The following FAM221A variants were observed in gnomAD, a reference collection of about 807,000 sequenced individuals.
FAM221A encodes family with sequence similarity 221 member A.
Under a neutral mutation model 37.6 loss-of-function variants are expected in FAM221A, and 43 were observed. The ratio of observed to expected loss-of-function variants is 1.15; its 90% CI spans 0.90 to 1.48. The LOEUF is 1.48. Among genes scored for constraint, FAM221A ranks in the 40% most tolerant of loss-of-function variants. FAM221A has a pLI of 0.00. For missense variants in FAM221A, 361 were observed against 361.5 expected (o/e 1.00, Z 0.01); for synonymous variants, 135 against 132.9 (o/e 1.02, Z -0.11).
intron 2 of FAM221A, chr7:23,687,620 G>T (rs1465531544): frequency 6.7e-6 from 1 of 149,172 alleles, no homozygotes; most frequent in Non-Finnish European, 1.5e-5. Context: ...TTATTAAATA[G>T]AATTTGTTCT....
At chr7:23,683,571 A>C (rs1258860560) in intron 1 of FAM221A, among the ~76,000 whole-genome samples, 1 of 152,226 alleles carries the variant, frequency 6.6e-6, no homozygotes, top group Non-Finnish European at 1.5e-5. Flanking sequence ...TCTTTGCTTC[A>C]ATATCAAAGG....
chr7:23,685,159 G>A (rs12700459), intron 2 of FAM221A, among the ~76,000 whole-genome samples: 21,010 of 152,160 alleles, frequency 0.14, 1,657 homozygotes, highest in Middle Eastern at 0.19. Context: ...TGAGGCAGGA[G>A]AATCGCTTGA....
At chr7:23,691,677 G>A (rs1784762258) in intron 4 of FAM221A, 81 bp downstream of exon 4, 2 of 1,155,922 alleles carry the variant, frequency 1.7e-6, no homozygotes, top group Admixed American at 1.9e-5. Context: ...TATTTGTTAA[G>A]CAATTTATAG....
intron 4 of FAM221A, chr7:23,693,653 TA>T (rs1246095559): frequency 6.6e-6 from 1 of 152,114 alleles, no homozygotes; most frequent in Non-Finnish European, 1.5e-5. Context: ...GTTTTATAAA[TA>T]TATTCTCCTG....
chr7:23,681,671 G>A (rs571827735), intron 1 of FAM221A, among the ~76,000 whole-genome samples: 1 of 152,318 alleles, frequency 6.6e-6, no homozygotes, highest in East Asian at 1.9e-4. Context: ...GCCTCCTAAA[G>A]TGTTGGGATT....
At chr7:23,698,064 A>T (rs1340288899) in intron 4 of FAM221A, 128 bp from the exon 5 acceptor site, 46 of 537,974 alleles carry the variant, frequency 8.6e-5, no homozygotes, top group South Asian at 2.5e-4. Flanking sequence ...CCAGTCTAAA[A>T]TTTTTTTTTT....
chr7:23,692,895 T>A, intron 4 of FAM221A: 2 of 274,132 alleles, frequency 7.3e-6, no homozygotes, highest in Non-Finnish European at 1.1e-5. Flanking sequence ...TTTGAACTCC[T>A]GGGTTCAAGC....
At chr7:23,685,246 T>TCAAAG (rs1784297596) in intron 2 of FAM221A, among the ~76,000 whole-genome samples, 1 of 140,036 alleles carries the variant, frequency 7.1e-6, no homozygotes, top group Non-Finnish European at 1.5e-5. Flanking sequence ...AGACTCTGTC[T>TCAAAG]CAAAACAAAG....
chr7:23,686,569 C>T (rs1342595914), intron 2 of FAM221A: 1 of 202,202 alleles, frequency 4.9e-6, no homozygotes, highest in Non-Finnish European at 1.0e-5. Context: ...CTCAGCTGAC[C>T]CAACTCAACT....
intron 1 of FAM221A, among the ~76,000 whole-genome samples, chr7:23,682,439 ATTT>A (rs59949135): frequency 2.5e-5 from 2 of 79,422 alleles, no homozygotes; most frequent in African/African-American, 4.1e-5. Context: ...TATTATTATT[ATTT>A]TTTTTTTTAG....
intron 1 of FAM221A, 88 bp downstream of exon 1, chr7:23,680,371 G>A: frequency 2.9e-6 from 3 of 1,024,618 alleles, no homozygotes; most frequent in South Asian, 1.6e-5. Context: ...CCCGGCGGGC[G>A]TCCGCGGGGG....
chr7:23,691,868 C>T (rs1326418373), intron 4 of FAM221A, among the ~76,000 whole-genome samples: 2 of 151,978 alleles, frequency 1.3e-5, no homozygotes, highest in Non-Finnish European at 2.9e-5. Context: ...AGATCATTTC[C>T]ATCCCAATAC....
chr7:23,690,199 A>ATATATATATTTTTTTTT (rs774313037), intron 3 of FAM221A, among the ~76,000 whole-genome samples: 1 of 48,738 alleles, frequency 2.1e-5, no homozygotes, highest in African/African-American at 8.5e-5. Flanking sequence ...ATATATATAT[A>ATATATATATTTTTTTTT]TTTTTTTTTT....
In FAM221A at chr7:23,691,462, T is replaced by C; in HGVS notation, c.503T>C (p.Val168Ala). The C allele has an allele frequency of 6.2e-7, 1 of 1,614,224 alleles. No homozygotes were observed. The highest frequency in any genetic ancestry group is 8.5e-7 in the Non-Finnish European group (1 of 1,180,038). The change falls in exon 4 of 7, where the codon GTA becomes GCA. Residue 168 changes from valine to alanine, a missense_variant. Coordinates refer to ENST00000344962, the MANE Select transcript of FAM221A (RefSeq NM_199136.5). ...CGQPAYAHDT[V>A]VETKQERLAQ... is the part of the protein sequence containing the mutation. ...CAGCCTGCATATGCCCATGACACAGTAGTGGAAACTAAGCAAGAAAGATTG... is the reference window on the plus strand; with the variant it reads ...CAGCCTGCATATGCCCATGACACAGCAGTGGAAACTAAGCAAGAAAGATTG...
Position 23,690,184 on chromosome 7 carries a change from TATATATATATATATA to T in FAM221A, c.430+726_430+740del, listed in dbSNP as rs1488022714. 2.4e-4 allele frequency among the ~76,000 whole-genome samples: 13 copies of T among 53,666 alleles called. 1 individual carries two copies. The South Asian group carries it at 5.7e-3, about 23-fold the overall frequency. The allele number at this position is 53,666 out of a possible 152,430, so 35.2% of individuals were successfully genotyped here. ...ATGCCTTGGTTCATATATATATATA[TATATATATATATATA>T]TTTTTTTTTTTTTTAATAGAGTTTT... On this transcript the variant is annotated intron_variant, in intron 3 of 6. Coordinates refer to ENST00000344962, the MANE Select transcript of FAM221A (RefSeq NM_199136.5).
intron 4 of FAM221A, 115 bp from the exon 5 acceptor site, chr7:23,698,077 A>G (rs545867917): frequency 1.2e-5 from 8 of 650,234 alleles, no homozygotes; most frequent in Admixed American, 1.0e-4. Flanking sequence ...TTTTTTTTAT[A>G]GAAAGAATTT....
intron 2 of FAM221A, chr7:23,689,066 C>G (rs1784548339): frequency 2.4e-6 from 1 of 411,318 alleles, no homozygotes. Context: ...AAATAGAAAT[C>G]TAAAAGAGTA....
rs769303439 is a variant in FAM221A at position 23,691,376 on chromosome 7, A to G, written c.431-14A>G. 5.6e-6 allele frequency: 9 copies of G among 1,613,394 alleles called. No homozygotes were observed. The highest frequency in any genetic ancestry group is 6.8e-6 in the Non-Finnish European group (8 of 1,179,492). ...TACCTTTAAGAATTTAACTCCCTTT[A>G]CATCTTGATTCAGGTTCCAAGTGTT... is the stretch of plus-strand genomic sequence containing the variant. On this transcript the variant is annotated splice_polypyrimidine_tract_variant and intron_variant, in intron 3 of 6. Transcript: ENST00000344962.
At chr7:23,695,531 C>G (rs890724663) in intron 4 of FAM221A, among the ~76,000 whole-genome samples, 1 of 152,134 alleles carries the variant, frequency 6.6e-6, no homozygotes, top group Admixed American at 6.6e-5. Flanking sequence ...TGCCACCATG[C>G]CTGGCTAATT....
Sources: allele counts gnomAD v4.1 joint callset (sites outside exome capture counted in the v4.1 genomes callset), GRCh38; gene constraint gnomAD v4.1.1; transcripts MANE v1.5; gene names NCBI Gene and HGNC (gene_info 2026-07-23, HGNC 2026-07-21).